The following CRTAM variants were observed in gnomAD, a reference collection of about 807,000 sequenced individuals.
The protein encoded by CRTAM is cytotoxic and regulatory T-cell molecule.
Under a neutral mutation model 50.0 loss-of-function variants are expected in CRTAM, and 44 were observed. The observed-to-expected ratio is 0.88, with a 90% CI of 0.69 to 1.13. The LOEUF is 1.13. CRTAM is among the 50% of genes most tolerant of loss of function. The pLI, the probability that CRTAM is intolerant of heterozygous loss-of-function variation, is 0.00. For missense variants in CRTAM, 448 were observed against 457.5 expected (o/e 0.98, Z 0.19); for synonymous variants, 159 against 169.3 (o/e 0.94, Z 0.47).
At chr11:122,858,675 G>A (rs1862034860) in intron 5 of CRTAM, among the ~76,000 whole-genome samples, 1 of 151,994 alleles carries the variant, frequency 6.6e-6, no homozygotes, top group South Asian at 2.1e-4. Context: ...GACTACAGGT[G>A]CACACACCAC....
At chr11:122,850,492 AC>A (rs1861916952) in intron 2 of CRTAM, among the ~76,000 whole-genome samples, 1 of 152,158 alleles carries the variant, frequency 6.6e-6, no homozygotes, top group African/African-American at 2.4e-5. Context: ...CACTCACACC[AC>A]TTTTTCACTC....
At position 122,872,539 on chromosome 11, in the gene CRTAM, C is replaced by T. The variant is rs1293594959; in HGVS notation, c.*1140C>T. The T allele has an allele frequency of 1.3e-5, 2 of 152,618 alleles. No homozygotes were observed. Among genetic ancestry groups the T allele is most frequent in the Non-Finnish European group, 2.9e-5 (2 of 68,030 alleles). 9.5% of individuals were successfully genotyped at this position (152,618 alleles called of 1,614,324 possible). ...CGTGTGAAAGTAACATGGGACATGC[C>T]TTTCTTTTCCGATCAGTTTATTTAA... On this transcript the variant is annotated 3_prime_UTR_variant, in exon 10 of 10. Transcript: ENST00000227348.
chr11:122,857,581 A>G (rs917238546), intron 5 of CRTAM, among the ~76,000 whole-genome samples: 48 of 152,350 alleles, frequency 3.2e-4, no homozygotes, highest in African/African-American at 1.2e-3. Context: ...TCAGCTGTTG[A>G]TAGCTTCCAT....
At chr11:122,850,643 A>G (rs1861918544) in intron 2 of CRTAM, among the ~76,000 whole-genome samples, 1 of 152,222 alleles carries the variant, frequency 6.6e-6, no homozygotes, top group Non-Finnish European at 1.5e-5. Flanking sequence ...AAGGCACATT[A>G]CAAAGCTCCT....
Position 122,854,075 on chromosome 11 carries a change from TG to T in CRTAM, c.481del (p.Glu161LysfsTer24), listed in dbSNP as rs750020510. On this transcript the variant is annotated frameshift_variant, in exon 4 of 10. Coordinates refer to ENST00000227348, the MANE Select transcript of CRTAM (RefSeq NM_019604.4). LOFTEE classifies it high-confidence loss of function. Reference protein sequence around the residue: ...PQITWLLGNSMEVSGGTLHEF... With the variant: ...PQITWLLGNSXEVSGGTLHEF... ...ATAACCTGGCTACTTGGGAATAGCA[TG>T]GAAGTGTCCGGTAAGGGGAGAAATG... is the stretch of plus-strand genomic sequence containing the variant. The T allele has an allele frequency of 7.4e-6, 12 of 1,613,304 alleles. No homozygotes were observed. Among genetic ancestry groups the T allele is most frequent in the Non-Finnish European group, 1.0e-5 (12 of 1,179,738 alleles).
intron 1 of CRTAM, among the ~76,000 whole-genome samples, chr11:122,847,410 C>T (rs1197427035): frequency 1.3e-5 from 2 of 152,198 alleles, no homozygotes; most frequent in Non-Finnish European, 2.9e-5. Context: ...AAAGCTTGAA[C>T]CCTCACTCCA....
intron 5 of CRTAM, among the ~76,000 whole-genome samples, chr11:122,861,161 T>C (rs1862068385): frequency 6.6e-6 from 1 of 151,948 alleles, no homozygotes; most frequent in Non-Finnish European, 1.5e-5. Flanking sequence ...CTCTATAATG[T>C]TTCCTTAGTA....
At chr11:122,843,447 C>T (rs1861824099) in intron 1 of CRTAM, among the ~76,000 whole-genome samples, 1 of 152,130 alleles carries the variant, frequency 6.6e-6, no homozygotes, top group African/African-American at 2.4e-5. Context: ...ACCTCACAGG[C>T]GAAACACCAC....
intron 1 of CRTAM, among the ~76,000 whole-genome samples, chr11:122,845,849 CA>C (rs1005190662): frequency 2.6e-5 from 4 of 152,082 alleles, no homozygotes; most frequent in African/African-American, 9.7e-5. Context: ...ATGAGAATGA[CA>C]GTTTTTTTTC....
chr11:122,862,210 T>C, intron 5 of CRTAM: 1 of 513,366 alleles, frequency 1.9e-6, no homozygotes, highest in Non-Finnish European at 3.5e-6. Flanking sequence ...CAGTGAATAC[T>C]CTTTGCCTAC....
At position 122,851,787 on chromosome 11, in the gene CRTAM, C is replaced by T. The variant is rs1411114340; in HGVS notation, c.288C>T (p.Tyr96=). 3 of 1,614,048 alleles carry T rather than the reference C, an allele frequency of 1.9e-6. No individual in the cohort carries two copies. The South Asian group carries it at 3.3e-5, about 18-fold the overall frequency. Residue 96 remains tyrosine (Y), a synonymous_variant, in exon 3 of 10, where the codon TAC becomes TAT. Coordinates refer to ENST00000227348, the MANE Select transcript of CRTAM (RefSeq NM_019604.4). ...TAACCCTGCAAGATGAAGGCGTGTACAAGTGCTTACATTACAGCGACTCTG... is the reference window on the plus strand; with the variant it reads ...TAACCCTGCAAGATGAAGGCGTGTATAAGTGCTTACATTACAGCGACTCTG... ...PNVTLQDEGV[Y]KCLHYSDSVS...
At chr11:122,867,250 T>TAAA (rs1015410837) in intron 7 of CRTAM, among the ~76,000 whole-genome samples, 159 bp from the exon 8 acceptor site, 17 of 152,120 alleles carry the variant, frequency 1.1e-4, no homozygotes, top group Non-Finnish European at 2.5e-4. Context: ...ATGAACAATG[T>TAAA]AAGTCTCTTT....
In CRTAM at chr11:122,862,415, G is replaced by A. The variant is rs1330238806; in HGVS notation, c.653-49G>A. The A allele has an allele frequency of 9.3e-6, 11 of 1,178,750 alleles. No homozygotes were observed. In the South Asian group the frequency reaches 1.1e-4, roughly 12 times the overall value. The allele number at this position is 1,178,750 out of a possible 1,614,324, so 73.0% of individuals were successfully genotyped here. A position where few individuals can be genotyped will look rare whatever the true frequency, so the allele number is the denominator to read the frequency against. ...ATCTCTTTTACTGAGCACAATGTGG[G>A]TAAAACTGCTCTCTATAGTAGCAGA... On this transcript the variant is annotated intron_variant, in intron 5 of 9. Transcript: ENST00000227348.
chr11:122,861,385 CG>C (rs1862072506), intron 5 of CRTAM, among the ~76,000 whole-genome samples: 1 of 53,764 alleles, frequency 1.9e-5, no homozygotes, highest in African/African-American at 8.7e-5. Context: ...CATACATATA[CG>C]TATATATATA....
At position 122,871,660 on chromosome 11, in the gene CRTAM, G is replaced by A. The variant is rs981450624; in HGVS notation, c.*261G>A. ...CTACTTCAGAGCAGGAGGATTCTACGAAGCCTTGGGGATCAGGGTCAGTGT... is the reference window on the plus strand; with the variant it reads ...CTACTTCAGAGCAGGAGGATTCTACAAAGCCTTGGGGATCAGGGTCAGTGT... On this transcript the variant is annotated 3_prime_UTR_variant, in exon 10 of 10. Transcript: ENST00000227348. The A allele has an allele frequency of 6.9e-5, 16 of 230,802 alleles. No homozygotes were observed. The highest frequency in any genetic ancestry group is 3.4e-4 in the African/African-American group (15 of 44,254). 14.3% of individuals were successfully genotyped at this position (230,802 alleles called of 1,614,324 possible). A position where few individuals can be genotyped will look rare whatever the true frequency, so the allele number is the denominator to read the frequency against.
chr11:122,872,357 C>T lies in CRTAM; in HGVS notation c.*958C>T, dbSNP rs907451439. 1 of 152,182 alleles carries T rather than the reference C, an allele frequency of 6.6e-6. No homozygotes were observed. The highest frequency in any genetic ancestry group is 1.5e-5 in the Non-Finnish European group (1 of 68,040). The allele number at this position is 152,182 out of a possible 1,614,324, so 9.4% of individuals were successfully genotyped here. On this transcript the variant is annotated 3_prime_UTR_variant, in exon 10 of 10. Transcript: ENST00000227348. ...CCTTGTCTGTCAGATAAGATTTTTA[C>T]CTGGAAATTCCATGACCAATACATG... is the stretch of plus-strand genomic sequence containing the variant.
intron 6 of CRTAM, 45 bp downstream of exon 6, chr11:122,862,589 T>A: frequency 1.6e-6 from 2 of 1,221,340 alleles, no homozygotes; most frequent in Non-Finnish European, 2.4e-6. Context: ...AAATCACGTT[T>A]CCTTGGGAAG....
chr11:122,857,611 T>C (rs1862023508), intron 5 of CRTAM, among the ~76,000 whole-genome samples: 1 of 152,224 alleles, frequency 6.6e-6, no homozygotes, highest in South Asian at 2.1e-4. Flanking sequence ...GTTTCTTCCA[T>C]TTGGCTAGCT....
rs1393112409 is a variant in CRTAM, at chr11:122,868,067, A to C, written c.1019A>C (p.Glu340Ala). 4 of 1,612,970 alleles carry C rather than the reference A, an allele frequency of 2.5e-6. No individual in the cohort carries two copies. In the Admixed American group the frequency reaches 5.0e-5, roughly 20 times the overall value. Residue 340 changes from glutamate to alanine, a missense_variant, in exon 9 of 10, where the codon GAA becomes GCA. Physicochemically the swap from Glu to Ala is moderately radical, Grantham distance 107 (BLOSUM62 -1). Transcript: ENST00000227348. ...AGTTACAGATCAAGGTCAAATAATG[A>C]AGAAACATCATCTGAAGAGAAAAAT... Reference protein sequence around the residue: ...LESYRSRSNNEETSSEEKNGQ... With the variant: ...LESYRSRSNNAETSSEEKNGQ...
Sources: gnomAD v4.1 joint callset for allele counts (sites outside exome capture counted in the v4.1 genomes callset) on GRCh38, gnomAD v4.1.1 for gene constraint, MANE v1.5 for transcripts, NCBI Gene and HGNC (gene_info 2026-07-23, HGNC 2026-07-21) for gene names.